Variants in ZFPM2 observed in about 807,000 individuals in gnomAD.
ZFPM2 encodes zinc finger protein, FOG family member 2.
Under a neutral mutation model 98.6 loss-of-function variants are expected in ZFPM2, and 20 were observed. That is an observed-to-expected ratio of 0.20 (90% CI 0.14 to 0.29). ZFPM2 has a LOEUF of 0.29. ZFPM2 is among the 10% of genes least tolerant of loss of function. The pLI, the probability that ZFPM2 is intolerant of heterozygous loss-of-function variation, is 1.00. For synonymous variants in ZFPM2, 518 were observed against 502.7 expected, an observed-to-expected ratio of 1.03 and a Z score of -0.41; for missense variants, 1,310 against 1,388.6, an observed-to-expected ratio of 0.94 and a Z score of 0.90.
chr8:105,416,918 A>G (rs1400592480), intron 1 of ZFPM2, among the ~76,000 whole-genome samples: 1 of 152,124 alleles, frequency 6.6e-6, no homozygotes, highest in African/African-American at 2.4e-5. Context: ...TAAGTTACCT[A>G]TGTTTTATAG....
chr8:105,664,757 G>T (rs1466250791), intron 5 of ZFPM2, among the ~76,000 whole-genome samples: 1 of 152,116 alleles, frequency 6.6e-6, no homozygotes, highest in Non-Finnish European at 1.5e-5. Flanking sequence ...AAAAAAATCA[G>T]TTCAGAGGGA....
chr8:105,590,315 T>G (rs1314973091), intron 4 of ZFPM2, among the ~76,000 whole-genome samples: 1 of 152,204 alleles, frequency 6.6e-6, no homozygotes, highest in Non-Finnish European at 1.5e-5. Context: ...AAAACTATTG[T>G]CGTTACTTCT....
chr8:105,782,758 C>T (rs1306469732), intron 5 of ZFPM2, among the ~76,000 whole-genome samples: 1 of 152,118 alleles, frequency 6.6e-6, no homozygotes, highest in African/African-American at 2.4e-5. Context: ...CATATATTTA[C>T]ATTGCCATAT....
chr8:105,349,921 T>G (rs1218487671), intron 1 of ZFPM2, among the ~76,000 whole-genome samples: 1 of 152,202 alleles, frequency 6.6e-6, no homozygotes, highest in African/African-American at 2.4e-5. Flanking sequence ...CTCAGTTGAT[T>G]TGTTATAATT....
At chr8:105,775,844 A>G (rs1019989027) in intron 5 of ZFPM2, among the ~76,000 whole-genome samples, 4 of 152,046 alleles carry the variant, frequency 2.6e-5, no homozygotes, top group African/African-American at 9.7e-5. Flanking sequence ...TCCCATAAAA[A>G]CAGCTTTTCT....
intron 4 of ZFPM2, among the ~76,000 whole-genome samples, chr8:105,562,254 G>C (rs956327529): frequency 3.9e-5 from 6 of 151,984 alleles, no homozygotes. Context: ...AGTCTGCAGT[G>C]ATCCAAGATC....
chr8:105,520,472 C>T (rs956577411), intron 3 of ZFPM2, among the ~76,000 whole-genome samples: 2 of 152,164 alleles, frequency 1.3e-5, no homozygotes, highest in Admixed American at 1.3e-4. Context: ...TGATAAGCTT[C>T]GTAACACTAA....
chr8:105,413,690 G>T (rs75237652), intron 1 of ZFPM2, among the ~76,000 whole-genome samples: 2 of 151,582 alleles, frequency 1.3e-5, no homozygotes, highest in African/African-American at 4.8e-5. Flanking sequence ...ACAGGAGCTG[G>T]CAACTTGGGA....
intron 4 of ZFPM2, among the ~76,000 whole-genome samples, chr8:105,586,618 T>TC (rs1815722637): frequency 1.3e-5 from 2 of 151,618 alleles, no homozygotes; most frequent in Admixed American, 1.3e-4. Flanking sequence ...AGATGGGGTT[T>TC]CACCATATTG....
intron 3 of ZFPM2, among the ~76,000 whole-genome samples, chr8:105,485,158 G>A (rs1483609589): frequency 1.3e-5 from 2 of 152,170 alleles, no homozygotes; most frequent in Admixed American, 1.3e-4. Flanking sequence ...AGTCATGTGG[G>A]CCTAAGCCTT....
chr8:105,507,460 CA>C (rs759771091), intron 3 of ZFPM2, among the ~76,000 whole-genome samples: 2 of 152,192 alleles, frequency 1.3e-5, no homozygotes, highest in Non-Finnish European at 2.9e-5. Context: ...TGATTATGGG[CA>C]AGTCACTTAA....
intron 5 of ZFPM2, among the ~76,000 whole-genome samples, chr8:105,762,030 A>G (rs1232792299): frequency 2.0e-5 from 3 of 151,924 alleles, no homozygotes; most frequent in Admixed American, 2.0e-4. Flanking sequence ...ATATATGTTA[A>G]TTCATAGCAT....
rs532861626 is a variant in ZFPM2, at chr8:105,456,172, T to G, written c.301+11791T>G. Among the ~76,000 whole-genome samples, 1,471 of 149,150 alleles carry G rather than the reference T, an allele frequency of 9.9e-3. 43 individuals are homozygous for G. Among genetic ancestry groups the G allele is most frequent in the African/African-American group, 0.033 (1,352 of 40,600 alleles). ...TTTTTTTTTGTTTGTTTGTTTGTTTTTTTTTTAAGAAGGAAGGGGCTATGC... is the reference window on the plus strand; with the variant it reads ...TTTTTTTTTGTTTGTTTGTTTGTTTGTTTTTTAAGAAGGAAGGGGCTATGC... On this transcript the variant is annotated intron_variant, in intron 3 of 7. Coordinates refer to ENST00000407775, the MANE Select transcript of ZFPM2 (RefSeq NM_012082.4).
intron 3 of ZFPM2, among the ~76,000 whole-genome samples, chr8:105,516,289 A>C (rs1813920469): frequency 6.6e-6 from 1 of 152,176 alleles, no homozygotes; most frequent in African/African-American, 2.4e-5. Flanking sequence ...GACAGCAGGC[A>C]GTCAATTTGT....
At chr8:105,663,335 A>G (rs1183828936) in intron 5 of ZFPM2, among the ~76,000 whole-genome samples, 1 of 152,312 alleles carries the variant, frequency 6.6e-6, no homozygotes, top group South Asian at 2.1e-4. Context: ...AGTACACAAA[A>G]ATAATTTTTG....
At chr8:105,616,646 C>A in intron 4 of ZFPM2, 1 of 353,200 alleles carries the variant, frequency 2.8e-6, no homozygotes, top group Non-Finnish European at 5.6e-6. Flanking sequence ...ATATTTGCAA[C>A]AGGTTCATAT....
At chr8:105,351,354 C>CATGT (rs1554596832) in intron 1 of ZFPM2, among the ~76,000 whole-genome samples, 2 of 144,754 alleles carry the variant, frequency 1.4e-5, no homozygotes, top group South Asian at 2.2e-4. Context: ...TGCATTATTT[C>CATGT]GTGTGTGTGT....
In ZFPM2 at chr8:105,690,816, CA is replaced by C; in HGVS notation, c.532+56460del. 2.0e-5 allele frequency: 3 copies of C among 152,300 alleles called. No homozygotes were observed. The Middle Eastern group carries it at 0.01, about 518-fold the overall frequency. 9.4% of individuals were successfully genotyped at this position (152,300 alleles called of 1,614,324 possible). On this transcript the variant is annotated intron_variant, in intron 5 of 7. Transcript: ENST00000407775. ...CCCACCTCCGTTGCCATCTACCAAT[CA>C]GTGGTCATTTTTACCAAAAGCACTA...
chr8:105,407,264 A>T (rs911488417), intron 1 of ZFPM2, among the ~76,000 whole-genome samples: 1 of 151,900 alleles, frequency 6.6e-6, no homozygotes, highest in Non-Finnish European at 1.5e-5. Flanking sequence ...AACTAGAAAA[A>T]GATTATTCAC....
Sources: allele counts gnomAD v4.1 joint callset (sites outside exome capture counted in the v4.1 genomes callset), GRCh38; gene constraint gnomAD v4.1.1; transcripts MANE v1.5; gene names NCBI Gene and HGNC (gene_info 2026-07-23, HGNC 2026-07-21).